Variants in TENM1 observed in about 807,000 individuals in gnomAD.
TENM1 encodes the protein teneurin transmembrane protein 1.
Under a neutral mutation model 174.8 loss-of-function variants are expected in TENM1, and 35 were observed. The ratio of observed to expected loss-of-function variants is 0.20; its 90% CI spans 0.15 to 0.27. The LOEUF is 0.27. TENM1 is among the 10% of genes least tolerant of loss of function. The probability of loss-of-function intolerance (pLI) is 1.00; values close to 1 mark genes in which losing one functional copy is unlikely to be tolerated. For missense variants in TENM1, 1,633 were observed against 2,130.1 expected, an observed-to-expected ratio of 0.77 and a Z score of 4.59; for synonymous variants, 781 against 798.7, an observed-to-expected ratio of 0.98 and a Z score of 0.37.
At chrX:125,152,191 G>A in the TENM1 span, among the ~76,000 whole-genome samples, 5 of 108,959 alleles carry the variant, frequency 4.6e-5, no homozygotes, top group East Asian at 1.5e-3. Context: ...GGAGGTGGAG[G>A]TTGCAGTGAG....
At chrX:124,789,174 C>G (rs2055117280) in intron 3 of TENM1, among the ~76,000 whole-genome samples, 1 of 111,339 alleles carries the variant, frequency 9.0e-6, no homozygotes, top group African/African-American at 3.3e-5. Flanking sequence ...ACCTTGGCCC[C>G]TTTTAGTCAT....
At chrX:124,945,353 C>T (rs867103856) in intron 1 of TENM1, among the ~76,000 whole-genome samples, 16 of 110,755 alleles carry the variant, frequency 1.4e-4, no homozygotes, top group Non-Finnish European at 2.3e-4. Flanking sequence ...AGTGAGATGG[C>T]GAGCCATGCC....
chrX:124,657,913 A>G (rs895134962), intron 6 of TENM1, among the ~76,000 whole-genome samples: 7 of 112,449 alleles, frequency 6.2e-5, no homozygotes, highest in African/African-American at 1.9e-4. Context: ...ACCCTATAAC[A>G]TGCTCAAAAT....
At chrX:124,836,159 T>G (rs2056387099) in intron 3 of TENM1, among the ~76,000 whole-genome samples, 1 of 111,882 alleles carries the variant, frequency 8.9e-6, no homozygotes, top group African/African-American at 3.2e-5. Flanking sequence ...TCTACATCAA[T>G]TCTATGGGAG....
At chrX:124,955,247 A>T (rs373509338) in intron 1 of TENM1, among the ~76,000 whole-genome samples, 5 of 95,892 alleles carry the variant, frequency 5.2e-5, no homozygotes, top group African/African-American at 3.0e-4. Flanking sequence ...CCCCAAGGAT[A>T]TTTTTTTTAA....
At chrX:124,587,048 C>G (rs1370228596) in intron 11 of TENM1, among the ~76,000 whole-genome samples, 26 of 108,998 alleles carry the variant, frequency 2.4e-4, no homozygotes, top group South Asian at 8.1e-4. Flanking sequence ...AGGATACAAA[C>G]AAATGGAAGA....
At chrX:124,388,764 C>A (rs1010554217) in intron 28 of TENM1, among the ~76,000 whole-genome samples, 1 of 112,244 alleles carries the variant, frequency 8.9e-6, no homozygotes, top group African/African-American at 3.2e-5. Context: ...TGAATGACCA[C>A]CAGATGGCAG....
the TENM1 span, among the ~76,000 whole-genome samples, chrX:125,157,057 GTT>G: frequency 2.7e-5 from 3 of 112,172 alleles, no homozygotes; most frequent in African/African-American, 9.7e-5. Context: ...CTCAACTTTG[GTT>G]GCACATTAGA....
At chrX:125,175,125 T>C in the TENM1 span, among the ~76,000 whole-genome samples, 1 of 111,232 alleles carries the variant, frequency 9.0e-6, no homozygotes, top group Non-Finnish European at 1.9e-5. Context: ...TCTACTATAA[T>C]TTAAAATAAC....
At chrX:125,045,773 T>C in the TENM1 span, among the ~76,000 whole-genome samples, 4 of 111,948 alleles carry the variant, frequency 3.6e-5, no homozygotes. Flanking sequence ...CAGCCCCAGA[T>C]TCTCTTCTAC....
intron 1 of TENM1, among the ~76,000 whole-genome samples, chrX:124,924,999 G>C (rs1180891491): frequency 9.1e-6 from 1 of 109,952 alleles, no homozygotes; most frequent in African/African-American, 3.3e-5. Context: ...CCTGTGAGCT[G>C]ACAAATCAAC....
the TENM1 span, among the ~76,000 whole-genome samples, chrX:125,111,100 C>T: frequency 1.8e-3 from 200 of 112,312 alleles, no homozygotes; most frequent in Admixed American, 4.0e-3. Flanking sequence ...GAGGACTCAA[C>T]ATGATAATAT....
At chrX:125,078,069 CAG>C in the TENM1 span, among the ~76,000 whole-genome samples, 3 of 111,651 alleles carry the variant, frequency 2.7e-5, no homozygotes, top group Non-Finnish European at 5.7e-5. Context: ...AGAGGATGTG[CAG>C]TCTTGGGTTG....
chrX:125,080,760 T>C, the TENM1 span, among the ~76,000 whole-genome samples: 2 of 110,807 alleles, frequency 1.8e-5, no homozygotes, highest in Admixed American at 1.9e-4. Context: ...TTCTATTCTG[T>C]ATCTACTGGA....
At chrX:124,982,727 C>T in the TENM1 span, among the ~76,000 whole-genome samples, 3 of 111,973 alleles carry the variant, frequency 2.7e-5, no homozygotes, top group Non-Finnish European at 5.6e-5. Flanking sequence ...AGTTGATATT[C>T]TCAATCTTAT....
At chrX:124,795,548 A>G (rs1290852660) in intron 3 of TENM1, among the ~76,000 whole-genome samples, 1 of 111,747 alleles carries the variant, frequency 8.9e-6, no homozygotes, top group Non-Finnish European at 1.9e-5. Context: ...TAAGTGTAAT[A>G]TAGCCTGTTT....
intron 3 of TENM1, among the ~76,000 whole-genome samples, chrX:124,867,871 T>C (rs111302240): frequency 0.07 from 7,831 of 111,490 alleles, 628 homozygotes; most frequent in African/African-American, 0.24. Context: ...AATCACAAAG[T>C]AATCCCATTT....
the TENM1 span, among the ~76,000 whole-genome samples, chrX:125,081,835 T>A: frequency 1.8e-5 from 2 of 111,368 alleles, no homozygotes; most frequent in Non-Finnish European, 3.8e-5. Context: ...ATCTTGTTTT[T>A]TGCAGCAATA....
the TENM1 span, among the ~76,000 whole-genome samples, chrX:124,996,967 A>G: frequency 9.0e-6 from 1 of 111,728 alleles, no homozygotes; most frequent in African/African-American, 3.2e-5. Context: ...AAACTTCCAA[A>G]GAAAGGGTGA....
Sources: gnomAD v4.1 joint callset for allele counts (sites outside exome capture counted in the v4.1 genomes callset) on GRCh38, gnomAD v4.1.1 for gene constraint, MANE v1.5 for transcripts, NCBI Gene and HGNC (gene_info 2026-07-23, HGNC 2026-07-21) for gene names.